Variants in RMST observed in about 807,000 individuals in gnomAD.
RMST encodes the protein long intergenic non-protein coding RNA 54.
chr12:97,541,577 G>T (rs947880550), intron 11 of RMST, among the ~76,000 whole-genome samples: 11 of 151,518 alleles, frequency 7.3e-5, no homozygotes, highest in Admixed American at 2.6e-4. Context: ...TATTAATAGG[G>T]CTTGTATGAA....
rs192061060 is a variant in RMST at position 97,511,558 on chromosome 12, G to A, written n.1340+15502G>A. Among the ~76,000 whole-genome samples the A allele has an allele frequency of 3.1e-3, 477 of 152,264 alleles. 3 individuals carry two copies. The highest frequency in any genetic ancestry group is 0.011 in the African/African-American group (461 of 41,550). ...AAAGAACTGCATAAGGTAGTGAAAGGAATATAGGATTTGAATTCTGAAGTA... is the reference window on the plus strand; with the variant it reads ...AAAGAACTGCATAAGGTAGTGAAAGAAATATAGGATTTGAATTCTGAAGTA... On this transcript the variant is annotated intron_variant and non_coding_transcript_variant, in intron 10 of 13. Coordinates refer to ENST00000640149, the Ensembl canonical transcript of RMST.
chr12:97,518,230 A>G (rs1321087579), intron 10 of RMST, among the ~76,000 whole-genome samples: 1 of 152,202 alleles, frequency 6.6e-6, no homozygotes, highest in African/African-American at 2.4e-5. Flanking sequence ...ATACTGATAC[A>G]TAGAAAAATC....
At chr12:97,550,236 A>G (rs143646044) in intron 11 of RMST, among the ~76,000 whole-genome samples, 1 of 152,256 alleles carries the variant, frequency 6.6e-6, no homozygotes, top group African/African-American at 2.4e-5. Context: ...TACTAAAAAT[A>G]CAAAAATTAG....
intron 5 of RMST, among the ~76,000 whole-genome samples, chr12:97,476,106 A>G (rs1874527876): frequency 6.6e-6 from 1 of 152,158 alleles, no homozygotes. Context: ...TGTTGCATGG[A>G]ATTGAATGCT....
chr12:97,500,586 T>C (rs1877978016), intron 10 of RMST, among the ~76,000 whole-genome samples: 1 of 152,190 alleles, frequency 6.6e-6, no homozygotes, highest in Admixed American at 6.5e-5. Flanking sequence ...TACATCCACT[T>C]AACAGTTGAA....
At chr12:97,550,275 C>T (rs1197284835) in intron 11 of RMST, among the ~76,000 whole-genome samples, 1 of 152,072 alleles carries the variant, frequency 6.6e-6, no homozygotes, top group Non-Finnish European at 1.5e-5. Flanking sequence ...GCCTGTAGTC[C>T]CAGCTACTTG....
intron 5 of RMST, among the ~76,000 whole-genome samples, chr12:97,485,969 A>G (rs539218277): frequency 2.0e-5 from 3 of 152,352 alleles, no homozygotes; most frequent in African/African-American, 4.8e-5. Context: ...GCAAAGGGAT[A>G]ATGTTTCCCA....
chr12:97,537,505 T>C (rs1174552925), intron 11 of RMST, among the ~76,000 whole-genome samples: 1 of 151,420 alleles, frequency 6.6e-6, no homozygotes, highest in East Asian at 1.9e-4. Flanking sequence ...TGACATATTA[T>C]TGAAGAATCT....
intron 10 of RMST, among the ~76,000 whole-genome samples, chr12:97,497,150 G>C (rs1877519927): frequency 6.6e-6 from 1 of 152,110 alleles, no homozygotes; most frequent in African/African-American, 2.4e-5. Context: ...TTTCTTACCA[G>C]ATTAGGTCAA....
chr12:97,538,025 G>T (rs2136611902), intron 11 of RMST, among the ~76,000 whole-genome samples: 1 of 151,428 alleles, frequency 6.6e-6, no homozygotes, highest in East Asian at 1.9e-4. Context: ...GATGAAGATG[G>T]ATAAGCCACC....
At chr12:97,541,706 C>T (rs757021518) in intron 11 of RMST, among the ~76,000 whole-genome samples, 3 of 143,872 alleles carry the variant, frequency 2.1e-5, no homozygotes, top group Non-Finnish European at 4.5e-5. Flanking sequence ...GAAATTAGCA[C>T]ATGGAGGCAG....
intron 10 of RMST, among the ~76,000 whole-genome samples, chr12:97,517,122 A>G (rs560089959): frequency 6.6e-6 from 1 of 152,124 alleles, no homozygotes; most frequent in South Asian, 2.1e-4. Context: ...AGATTGATAG[A>G]TGAATAAAAA....
Position 97,534,970 on chromosome 12 carries a change from T to C in RMST, n.1545+4111T>C, listed in dbSNP as rs549467298. Among the ~76,000 whole-genome samples the C allele has an allele frequency of 5.3e-5, 8 of 151,836 alleles. No homozygotes were observed. The South Asian group carries it at 1.7e-3, about 31-fold the overall frequency. On this transcript the variant is annotated intron_variant and non_coding_transcript_variant, in intron 11 of 13. Coordinates refer to ENST00000640149, the Ensembl canonical transcript of RMST. ...AGTAGATGTACTATAAGCGATTTTA[T>C]TCTTCTGGACTAAGGAGAGATAGCA...
At chr12:97,499,635 TTTTTCTTTTTCTTTTTTCTTTC>T (rs1279977045) in intron 10 of RMST, among the ~76,000 whole-genome samples, 5 of 150,272 alleles carry the variant, frequency 3.3e-5, no homozygotes, top group African/African-American at 1.2e-4. Context: ...TTTTTTTTTC[TTTTTCTTTTTCTTTTTTCTTTC>T]TTTTTTTTTT....
At chr12:97,468,520 T>C (rs1873477225) in intron 5 of RMST, among the ~76,000 whole-genome samples, 1 of 152,026 alleles carries the variant, frequency 6.6e-6, no homozygotes, top group South Asian at 2.1e-4. Flanking sequence ...AGCACAGTGT[T>C]CTTGTGATTT....
intron 10 of RMST, among the ~76,000 whole-genome samples, chr12:97,511,329 A>G (rs1429224211): frequency 6.6e-6 from 1 of 151,944 alleles, no homozygotes; most frequent in Non-Finnish European, 1.5e-5. Context: ...TTGTATTTTT[A>G]GTAGACACGG....
chr12:97,491,812 T>G, intron 5 of RMST: 1 of 437,664 alleles, frequency 2.3e-6, no homozygotes, highest in Non-Finnish European at 5.0e-6. Context: ...CATGGCTTTT[T>G]TGTCGTCATG....
At chr12:97,542,490 A>G (rs1882622462) in intron 11 of RMST, among the ~76,000 whole-genome samples, 2 of 152,072 alleles carry the variant, frequency 1.3e-5, no homozygotes, top group South Asian at 4.1e-4. Flanking sequence ...TTTTCTGTAC[A>G]GTGTGGTGTC....
intron 10 of RMST, among the ~76,000 whole-genome samples, chr12:97,520,202 C>CT (rs1176662405): frequency 6.6e-6 from 1 of 152,192 alleles, no homozygotes; most frequent in African/African-American, 2.4e-5. Flanking sequence ...AGTGGAACGT[C>CT]TTTGGCCATC....
Sources: allele counts gnomAD v4.1 joint callset (sites outside exome capture counted in the v4.1 genomes callset), GRCh38; gene constraint gnomAD v4.1.1; transcripts MANE v1.5; gene names NCBI Gene and HGNC (gene_info 2026-07-23, HGNC 2026-07-21).